Variants in MYRFL observed in about 807,000 individuals in gnomAD.
The protein encoded by MYRFL is myelin regulatory factor-like protein.
Under a neutral mutation model 109.4 loss-of-function variants are expected in MYRFL, and 88 were observed. The observed-to-expected ratio is 0.80, with a 90% CI of 0.68 to 0.96. The LOEUF is 0.96. Among genes scored for constraint, MYRFL ranks in the 40% least tolerant of loss-of-function variants. MYRFL has a pLI of 0.00. For synonymous variants in MYRFL, 324 were observed against 320.9 expected (o/e 1.01, Z -0.10); for missense variants, 957 against 954.9 (o/e 1.00, Z -0.03).
At chr12:69,925,408 T>G (rs1461108660) in intron 13 of MYRFL, among the ~76,000 whole-genome samples, 2 of 152,206 alleles carry the variant, frequency 1.3e-5, no homozygotes, top group African/African-American at 4.8e-5. Flanking sequence ...TTCGAAACCC[T>G]CAAAGCTTCA....
At chr12:69,946,654 A>C (rs1187025265) in intron 19 of MYRFL, 1 of 152,252 alleles carries the variant, frequency 6.6e-6, no homozygotes, top group East Asian at 1.9e-4. Flanking sequence ...GTCTACAGAC[A>C]ACACCACAGA....
At chr12:69,866,600 G>T (rs957823717) in intron 2 of MYRFL, among the ~76,000 whole-genome samples, 1 of 152,094 alleles carries the variant, frequency 6.6e-6, no homozygotes, top group Admixed American at 6.6e-5. Context: ...TACAAATCAT[G>T]TTACTTCCCC....
intron 2 of MYRFL, among the ~76,000 whole-genome samples, chr12:69,876,842 T>C (rs1885693309): frequency 6.6e-6 from 1 of 152,142 alleles, no homozygotes; most frequent in South Asian, 2.1e-4. Context: ...AATTCTTCTA[T>C]TTTTTCAGCC....
intron 19 of MYRFL, among the ~76,000 whole-genome samples, chr12:69,944,692 G>GA (rs201140098): frequency 0.035 from 5,193 of 150,066 alleles, 301 homozygotes; most frequent in African/African-American, 0.12. Flanking sequence ...AATAATAAAA[G>GA]AAAAAAAAAG....
intron 2 of MYRFL, among the ~76,000 whole-genome samples, chr12:69,868,896 G>A (rs975850672): frequency 2.0e-5 from 3 of 150,586 alleles, no homozygotes. Context: ...TCACACACAC[G>A]TACGCACACG....
intron 2 of MYRFL, among the ~76,000 whole-genome samples, chr12:69,873,951 T>G: frequency 6.6e-6 from 1 of 152,194 alleles, no homozygotes; most frequent in Non-Finnish European, 1.5e-5. Flanking sequence ...TTGACTTTAG[T>G]TCTACTTCTT....
At chr12:69,904,207 G>A (rs984212304) in intron 11 of MYRFL, 4 of 181,484 alleles carry the variant, frequency 2.2e-5, no homozygotes, top group Admixed American at 5.7e-5. Context: ...TCCAAGCACT[G>A]TCTCAGTCCA....
At chr12:69,949,652 AATT>A (rs1364671923) in intron 19 of MYRFL, among the ~76,000 whole-genome samples, 2 of 135,460 alleles carry the variant, frequency 1.5e-5, no homozygotes, top group African/African-American at 5.3e-5. Context: ...TTTTTTTTGT[AATT>A]TTTTTTTTTT....
intron 20 of MYRFL, 91 bp from the exon 21 acceptor site, chr12:69,952,708 C>T (rs1474090087): frequency 4.6e-6 from 4 of 868,534 alleles, no homozygotes; most frequent in Non-Finnish European, 6.8e-6. Context: ...TCTTACTTCC[C>T]ATTCTGTAAT....
At chr12:69,889,835 G>C (rs753727468) in intron 6 of MYRFL, among the ~76,000 whole-genome samples, 1 of 151,936 alleles carries the variant, frequency 6.6e-6, no homozygotes, top group South Asian at 2.1e-4. Flanking sequence ...CCACCTGGGC[G>C]ACAGAGCGAG....
chr12:69,922,417 T>C (rs971455862), intron 13 of MYRFL, among the ~76,000 whole-genome samples: 2 of 152,192 alleles, frequency 1.3e-5, no homozygotes, highest in Non-Finnish European at 2.9e-5. Flanking sequence ...TAGGAGATTT[T>C]TGTTTTTGTT....
chr12:69,867,387 A>G (rs1187768202), intron 2 of MYRFL, among the ~76,000 whole-genome samples: 1 of 152,218 alleles, frequency 6.6e-6, no homozygotes, highest in Non-Finnish European at 1.5e-5. Context: ...AGACTAGTAA[A>G]TCTTCAAGGC....
chr12:69,915,227 G>T (rs992982018), intron 13 of MYRFL, among the ~76,000 whole-genome samples: 2 of 152,226 alleles, frequency 1.3e-5, no homozygotes, highest in South Asian at 4.1e-4. Context: ...GTGTGGCTTT[G>T]GTTGCCACCT....
intron 7 of MYRFL, among the ~76,000 whole-genome samples, chr12:69,891,668 TC>T (rs879709731): frequency 0.041 from 4,118 of 99,580 alleles, 332 homozygotes; most frequent in African/African-American, 0.073. Context: ...TTTCTTTCTT[TC>T]TTTCTTTCTT....
chr12:69,867,697 G>A (rs143785963), intron 2 of MYRFL, among the ~76,000 whole-genome samples: 1 of 152,308 alleles, frequency 6.6e-6, no homozygotes, highest in East Asian at 1.9e-4. Context: ...TCAATTACCA[G>A]CTGCATGTCT....
Position 69,903,702 on chromosome 12 carries a change from T to C in MYRFL, c.1241T>C (p.Val414Ala), listed in dbSNP as rs891095478. The change falls in exon 11 of 25, where the codon GTT becomes GCT. Residue 414 changes from valine to alanine, a missense_variant. Physicochemically the swap from Val to Ala is moderately conservative, Grantham distance 64. Transcript: ENST00000552032. ...GATGCATTGTGGCAGCGAGGACAAG[T>C]TCCAGAATCTATTGTCTGTCACGGT... is the stretch of plus-strand genomic sequence containing the variant. The part of the protein sequence containing the change: ...DSDALWQRGQ[V>A]PESIVCHGRV... The C allele has an allele frequency of 6.5e-6, 10 of 1,535,816 alleles. No homozygotes were observed. The highest frequency in any genetic ancestry group is 7.0e-6 in the Non-Finnish European group (8 of 1,146,706).
Position 69,936,459 on chromosome 12 carries a change from A to T in MYRFL, c.2051A>T (p.Asn684Ile). The change falls in exon 19 of 25, where the codon AAT becomes ATT. Residue 684 changes from asparagine (N) to isoleucine (I), a missense_variant. Asn to Ile is a moderately radical substitution (Grantham distance 149, BLOSUM62 -3). Coordinates refer to ENST00000552032, the MANE Select transcript of MYRFL (RefSeq NM_182530.3). ...CCTGCCCAATGCCTTGCAGCACCTA[A>T]TACATCCCTGGTAACCACACCGGCC... ...LLPTASSSAPNTSLVTTPASL... is the reference protein window; with the variant it reads ...LLPTASSSAPITSLVTTPASL... 6.5e-7 allele frequency: 1 copy of T among 1,535,294 alleles called. No homozygotes were observed. The highest frequency in any genetic ancestry group is 2.4e-5 in the East Asian group (1 of 40,896).
intron 2 of MYRFL, among the ~76,000 whole-genome samples, chr12:69,877,023 C>CTT (rs113649427): frequency 7.8e-6 from 1 of 128,898 alleles, no homozygotes; most frequent in Non-Finnish European, 1.6e-5. Flanking sequence ...TTCTTTCTTT[C>CTT]TTTTTTTTTT....
chr12:69,860,900 C>T (rs1412181220), intron 2 of MYRFL, among the ~76,000 whole-genome samples: 10 of 115,958 alleles, frequency 8.6e-5, no homozygotes, highest in African/African-American at 2.3e-4. Flanking sequence ...CTCCCCCCTC[C>T]CCCCACCCCA....
Sources: allele counts gnomAD v4.1 joint callset (sites outside exome capture counted in the v4.1 genomes callset), GRCh38; gene constraint gnomAD v4.1.1; transcripts MANE v1.5; gene names NCBI Gene and HGNC (gene_info 2026-07-23, HGNC 2026-07-21).